Variants in ARMH3 observed in about 807,000 individuals in gnomAD.
ARMH3 encodes armadillo like helical domain containing 3, also known as armadillo-like helical domain-containing protein 3.
ARMH3 carries 60 observed loss-of-function variants against 99.1 expected under a neutral mutation model. That is an observed-to-expected ratio of 0.61 (90% CI 0.49 to 0.75). The LOEUF (loss-of-function observed/expected upper bound fraction) is 0.75, where lower values mean the gene tolerates loss of function less well. Ranked by LOEUF, ARMH3 falls within the 30% of genes least tolerant of loss-of-function variation. ARMH3 has a pLI of 0.00. For missense variants in ARMH3, 679 were observed against 843.1 expected, an observed-to-expected ratio of 0.81 and a Z score of 2.41; for synonymous variants, 285 against 292.8, an observed-to-expected ratio of 0.97 and a Z score of 0.27.
intron 24 of ARMH3, among the ~76,000 whole-genome samples, chr10:101,852,530 C>A (rs1250511624): frequency 1.3e-5 from 2 of 152,158 alleles, no homozygotes; most frequent in Non-Finnish European, 2.9e-5. Context: ...CCGAGGCGGG[C>A]AGATCACCTG....
chr10:101,992,519 G>A (rs1328840181), intron 17 of ARMH3, among the ~76,000 whole-genome samples: 7 of 147,574 alleles, frequency 4.7e-5, no homozygotes, highest in South Asian at 2.1e-4. Flanking sequence ...TTTTTGAGAC[G>A]GAGTCTCGCT....
At chr10:101,855,966 G>C (rs2135286632) in intron 24 of ARMH3, among the ~76,000 whole-genome samples, 2 of 151,952 alleles carry the variant, frequency 1.3e-5, no homozygotes, top group Middle Eastern at 6.8e-3. Context: ...GCTCAACCCA[G>C]TGCAGGCTGT....
rs964154923 is a variant in ARMH3 at position 101,872,881 on chromosome 10, C to G, written c.1860+16531G>C. Among the ~76,000 whole-genome samples, 24 of 151,596 alleles carry G rather than the reference C, an allele frequency of 1.6e-4. No individual in the cohort carries two copies. The South Asian group carries it at 4.2e-3, about 26-fold the overall frequency. On this transcript the variant is annotated intron_variant, in intron 24 of 25. Transcript: ENST00000370033. Reference sequence around the variant, plus strand: ...GCTGAGACAGGAGAATTGCTTGAACCCAGGAGGTGAAGATTGCAGCGAGCC... The same window carrying G: ...GCTGAGACAGGAGAATTGCTTGAACGCAGGAGGTGAAGATTGCAGCGAGCC...
intron 23 of ARMH3, among the ~76,000 whole-genome samples, chr10:101,939,094 G>T (rs1277136152): frequency 6.6e-6 from 1 of 152,150 alleles, no homozygotes; most frequent in Non-Finnish European, 1.5e-5. Flanking sequence ...GGAATGTCTG[G>T]CAAGGCTTAC....
intron 15 of ARMH3, among the ~76,000 whole-genome samples, chr10:102,001,673 A>G (rs1000397326): frequency 6.6e-6 from 1 of 152,172 alleles, no homozygotes; most frequent in African/African-American, 2.4e-5. Context: ...CTTCCCACAC[A>G]TAAGAGTCTG....
chr10:102,012,000 G>A (rs1394887339), intron 10 of ARMH3, among the ~76,000 whole-genome samples: 3 of 152,234 alleles, frequency 2.0e-5, no homozygotes, highest in Admixed American at 1.3e-4. Flanking sequence ...TACTTTGGGA[G>A]AGACTTAGAC....
intron 23 of ARMH3, among the ~76,000 whole-genome samples, chr10:101,931,255 G>A (rs1198386394): frequency 6.6e-6 from 1 of 152,186 alleles, no homozygotes; most frequent in Admixed American, 6.5e-5. Context: ...GGCCGGGTGC[G>A]ATGGCTCACG....
At chr10:101,940,383 T>TA (rs944399372) in intron 22 of ARMH3, among the ~76,000 whole-genome samples, 12 of 152,130 alleles carry the variant, frequency 7.9e-5, no homozygotes, top group Admixed American at 5.2e-4. Context: ...ATAAACTCCT[T>TA]AACATATAAA....
At chr10:101,885,147 C>A (rs2067510267) in intron 24 of ARMH3, among the ~76,000 whole-genome samples, 1 of 150,650 alleles carries the variant, frequency 6.6e-6, no homozygotes, top group African/African-American at 2.4e-5. Context: ...AAAAAAAAAA[C>A]AGAAAACAAG....
At chr10:101,974,837 T>TA (rs1845918822) in intron 20 of ARMH3, among the ~76,000 whole-genome samples, 1 of 151,790 alleles carries the variant, frequency 6.6e-6, no homozygotes, top group East Asian at 1.9e-4. Context: ...CTACAGTCCA[T>TA]ATGCGGCTAT....
chr10:101,849,144 C>G (rs972390482), intron 25 of ARMH3, among the ~76,000 whole-genome samples: 1 of 152,316 alleles, frequency 6.6e-6, no homozygotes, highest in East Asian at 1.9e-4. Context: ...AGTCCCCAGC[C>G]AGGATGTTTG....
At chr10:101,974,250 A>G (rs561230502) in intron 20 of ARMH3, among the ~76,000 whole-genome samples, 91 of 152,352 alleles carry the variant, frequency 6.0e-4, no homozygotes, top group African/African-American at 2.1e-3. Context: ...TAGAAAGCCA[A>G]ACTGGGTTGG....
chr10:101,985,958 C>T (rs1368756051), intron 19 of ARMH3, among the ~76,000 whole-genome samples: 1 of 151,816 alleles, frequency 6.6e-6, no homozygotes, highest in Non-Finnish European at 1.5e-5. Context: ...GCGGAGGTTG[C>T]AGTGAGCCAA....
chr10:101,894,325 C>T (rs969389712), intron 23 of ARMH3, among the ~76,000 whole-genome samples: 19 of 152,166 alleles, frequency 1.2e-4, no homozygotes, highest in Admixed American at 1.2e-3. Context: ...TGGAGGCTTC[C>T]CATTAAAGTT....
intron 1 of ARMH3, among the ~76,000 whole-genome samples, chr10:102,052,736 A>T (rs1032202115): frequency 6.6e-6 from 1 of 152,160 alleles, no homozygotes; most frequent in Admixed American, 6.6e-5. Context: ...TTCCTTATAG[A>T]CAAATAAAAT....
intron 5 of ARMH3, among the ~76,000 whole-genome samples, chr10:102,025,942 G>T (rs930698553): frequency 1.3e-5 from 2 of 152,126 alleles, no homozygotes; most frequent in African/African-American, 4.8e-5. Flanking sequence ...ACTATGCCTG[G>T]CAAGTTTCGT....
At position 101,993,540 on chromosome 10, in the gene ARMH3, T is replaced by G. The variant is rs774640452; in HGVS notation, c.1273A>C (p.Met425Leu). 2 of 1,595,074 alleles carry G rather than the reference T, an allele frequency of 1.3e-6. No homozygotes were observed. ...CAAGAAGCAAAAGAAACACCTACCA[T>G]TCTATGTAAGTTTACTCGAAAATTC... ...NMNFRVNLHR[M>L]PMRHRKKAAD... The change falls in exon 17 of 26, where the codon ATG becomes CTG. Residue 425 changes from methionine to leucine, a missense_variant and splice_region_variant. Met to Leu is a conservative substitution (Grantham distance 15). Coordinates refer to ENST00000370033, the MANE Select transcript of ARMH3 (RefSeq NM_024541.3).
At chr10:101,943,001 T>A (rs749420590) in intron 22 of ARMH3, among the ~76,000 whole-genome samples, 4 of 152,104 alleles carry the variant, frequency 2.6e-5, no homozygotes, top group African/African-American at 9.7e-5. Context: ...CAGCATAGAA[T>A]TGTGATCCCC....
chr10:101,910,420 T>C (rs2135543305), intron 23 of ARMH3, among the ~76,000 whole-genome samples: 1 of 152,262 alleles, frequency 6.6e-6, no homozygotes, highest in African/African-American at 2.4e-5. Flanking sequence ...TCTGAATTCT[T>C]GAAAAAAGAA....
Sources: allele counts gnomAD v4.1 joint callset (sites outside exome capture counted in the v4.1 genomes callset), GRCh38; gene constraint gnomAD v4.1.1; transcripts MANE v1.5; gene names NCBI Gene and HGNC (gene_info 2026-07-23, HGNC 2026-07-21).